Variants in MAP3K15 observed in about 807,000 individuals in gnomAD.
MAP3K15 encodes the protein mitogen-activated protein kinase kinase kinase 15, also known as MAPK/ERK kinase kinase 15.
In MAP3K15, 124 loss-of-function variants were observed where a neutral mutation model predicts 99.5. The observed-to-expected ratio is 1.25, with a 90% confidence interval of 1.08 to 1.45. MAP3K15 has a LOEUF of 1.45. Among genes scored for constraint, MAP3K15 ranks in the 40% most tolerant of loss-of-function variants. The pLI is 0.00. For missense variants in MAP3K15, 1,242 were observed against 1,079.7 expected, an observed-to-expected ratio of 1.15 and a Z score of -2.11; for synonymous variants, 494 against 439.6, an observed-to-expected ratio of 1.12 and a Z score of -1.55.
intron 11 of MAP3K15, 52 bp from the exon 12 acceptor site, chrX:19,410,025 G>A (rs2063675369): frequency 9.4e-7 from 1 of 1,062,690 alleles, no homozygotes; most frequent in Admixed American, 2.3e-5. Context: ...TAAAGCAAAT[G>A]ATTTTTTTTG....
chrX:19,392,269 C>G, intron 17 of MAP3K15, 74 bp downstream of exon 17: 13 of 1,108,342 alleles, frequency 1.2e-5, no homozygotes, highest in Non-Finnish European at 1.3e-5. Flanking sequence ...GCCAGTCACT[C>G]AGCAGACACC....
At chrX:19,376,271 C>T in intron 19 of MAP3K15, among the ~76,000 whole-genome samples, 1 of 110,819 alleles carries the variant, frequency 9.0e-6, no homozygotes, top group Middle Eastern at 4.6e-3. Context: ...GGGCCAGGGA[C>T]TCCTGAAACA....
chrX:19,393,347 G>A (rs1316557673), intron 16 of MAP3K15, among the ~76,000 whole-genome samples: 2 of 111,918 alleles, frequency 1.8e-5, no homozygotes, highest in African/African-American at 6.5e-5. Context: ...TGAAGAGTAA[G>A]GGGCCGGGCA....
At chrX:19,366,715 C>T (rs773784810) in intron 25 of MAP3K15, among the ~76,000 whole-genome samples, 1 of 112,152 alleles carries the variant, frequency 8.9e-6, no homozygotes, top group African/African-American at 3.2e-5. Context: ...AAACCTCTTA[C>T]TCTTATAAAT....
chrX:19,361,109 C>T (rs2063280423), intron 28 of MAP3K15: 4 of 422,754 alleles, frequency 9.5e-6, no homozygotes, highest in East Asian at 3.9e-5. Context: ...CCTCCACCCA[C>T]TCCCAGCCAG....
chrX:19,450,326 G>A (rs1446211271), intron 6 of MAP3K15, among the ~76,000 whole-genome samples: 4 of 108,723 alleles, frequency 3.7e-5, no homozygotes, highest in Non-Finnish European at 1.9e-5. Flanking sequence ...CTCTAGCCTG[G>A]ACAACAGAGG....
intron 7 of MAP3K15, among the ~76,000 whole-genome samples, chrX:19,431,084 A>ACC (rs2063876894): frequency 9.0e-6 from 1 of 111,669 alleles, no homozygotes; most frequent in Non-Finnish European, 1.9e-5. Context: ...ATCACTGAAC[A>ACC]TTGTTAAATA....
rs73637650 is a variant in MAP3K15, at chrX:19,438,925, C to T, written c.996-7317G>A. 6.2e-3 allele frequency among the ~76,000 whole-genome samples: 693 copies of T among 112,357 alleles called. 8 individuals carry two copies. Among genetic ancestry groups the T allele is most frequent in the African/African-American group, 0.021 (639 of 30,978 alleles). ...GTAAAAATCACACTGAGTCCGGGCA[C>T]AGTGGCTCATGCCTGTAATCCCAGC... On this transcript the variant is annotated intron_variant, in intron 6 of 28. Coordinates refer to ENST00000338883, the MANE Select transcript of MAP3K15 (RefSeq NM_001001671.4).
intron 13 of MAP3K15, among the ~76,000 whole-genome samples, chrX:19,406,807 T>C (rs749372145): frequency 8.9e-6 from 1 of 112,803 alleles, no homozygotes; most frequent in East Asian, 2.8e-4. Context: ...GTTCAAGTGA[T>C]TCTCCTGCCT....
chrX:19,445,933 G>C (rs2147334614), intron 6 of MAP3K15, among the ~76,000 whole-genome samples: 1 of 87,908 alleles, frequency 1.1e-5, no homozygotes, highest in African/African-American at 4.0e-5. Flanking sequence ...GGCGACAAGA[G>C]CGAAACTCCA....
intron 4 of MAP3K15, among the ~76,000 whole-genome samples, chrX:19,461,992 A>AACACACACAC (rs66666219): frequency 2.0e-3 from 198 of 100,613 alleles, no homozygotes; most frequent in Middle Eastern, 0.015. Context: ...CTTGGTCTAA[A>AACACACACAC]ACACACACAC....
chrX:19,408,332 C>T lies in MAP3K15; in HGVS notation c.1749-1049G>A, dbSNP rs779536490. ...GAAGGATCTTGACTACCTGCTCTAACACAACTTAATTACTAAGTAACACAT... is the reference window on the plus strand; with the variant it reads ...GAAGGATCTTGACTACCTGCTCTAATACAACTTAATTACTAAGTAACACAT... On this transcript the variant is annotated intron_variant, in intron 12 of 28. Coordinates refer to ENST00000338883, the MANE Select transcript of MAP3K15 (RefSeq NM_001001671.4). 3.6e-5 allele frequency among the ~76,000 whole-genome samples: 4 copies of T among 112,193 alleles called. No individual in the cohort carries two copies. In the South Asian group the frequency reaches 1.5e-3, roughly 42 times the overall value.
intron 3 of MAP3K15, among the ~76,000 whole-genome samples, chrX:19,477,357 A>G (rs768772065): frequency 1.3e-4 from 14 of 111,917 alleles, no homozygotes; most frequent in Non-Finnish European, 2.6e-4. Flanking sequence ...AAAGACAAAA[A>G]GACTAACAAC....
chrX:19,464,223 C>G lies in MAP3K15; in HGVS notation c.709G>C (p.Val237Leu). The G allele has an allele frequency of 1.7e-6, 2 of 1,196,007 alleles. No individual in the cohort carries two copies. The highest frequency in any genetic ancestry group is 2.2e-6 in the Non-Finnish European group (2 of 892,350). The change falls in exon 4 of 29, where the codon GTG becomes CTG. Residue 237 changes from valine (V) to leucine (L), a missense_variant. Transcript: ENST00000338883. ...GCAGATGGGAATTACCATGAGGTCA[C>G]GTGGATGTCCTTAAGGAGGCTAATG... ...RFISLLKDIHVTSCVYYKETL... is the reference protein window; with the variant it reads ...RFISLLKDIHLTSCVYYKETL...
rs1202171039 is a variant in MAP3K15 at position 19,401,998 on chromosome X, A to G, written c.1845-1335T>C. 7.1e-5 allele frequency among the ~76,000 whole-genome samples: 8 copies of G among 112,212 alleles called. No homozygotes were observed. In the East Asian group the frequency reaches 2.2e-3, roughly 31 times the overall value. On this transcript the variant is annotated intron_variant, in intron 13 of 28. Transcript: ENST00000338883. ...TCACAGAACAACTAAGATTTAAAAGACGGTATCAGCCAGGTGTAGTGGCTC... is the reference window on the plus strand; with the variant it reads ...TCACAGAACAACTAAGATTTAAAAGGCGGTATCAGCCAGGTGTAGTGGCTC...
intron 12 of MAP3K15, among the ~76,000 whole-genome samples, 176 bp from the exon 13 acceptor site, chrX:19,407,459 T>C (rs2063656404): frequency 8.9e-6 from 1 of 112,145 alleles, no homozygotes; most frequent in African/African-American, 3.2e-5. Context: ...GAGACATTTA[T>C]CTTGCTTATA....
intron 3 of MAP3K15, among the ~76,000 whole-genome samples, chrX:19,484,427 G>A (rs1240887481): frequency 8.9e-6 from 1 of 112,237 alleles, no homozygotes; most frequent in Non-Finnish European, 1.9e-5. Context: ...CCCTGGTGAT[G>A]AAAAGGTTGG....
intron 11 of MAP3K15, among the ~76,000 whole-genome samples, chrX:19,413,113 T>TACACACAC (rs377362996): frequency 3.6e-4 from 36 of 98,696 alleles, no homozygotes; most frequent in African/African-American, 1.4e-3. Flanking sequence ...AATGTTTTTA[T>TACACACAC]ACACACACAC....
chrX:19,487,565 T>C (rs961521535), intron 2 of MAP3K15, among the ~76,000 whole-genome samples: 5 of 112,029 alleles, frequency 4.5e-5, no homozygotes, highest in Non-Finnish European at 9.4e-5. Context: ...TATTCTACAA[T>C]GTAAAGTACA....
Sources: gnomAD v4.1 joint callset for allele counts (sites outside exome capture counted in the v4.1 genomes callset) on GRCh38, gnomAD v4.1.1 for gene constraint, MANE v1.5 for transcripts, NCBI Gene and HGNC (gene_info 2026-07-23, HGNC 2026-07-21) for gene names.